MSRA: variants seen among roughly 807,000 people sequenced by gnomAD.
MSRA encodes mitochondrial peptide methionine sulfoxide reductase.
A neutral mutation model predicts 31.3 loss-of-function variants in MSRA; 54 were observed. The ratio of observed to expected loss-of-function variants is 1.73; its 90% CI spans 1.39 to 2.17. The LOEUF is 2.17. Ranked by LOEUF, MSRA falls within the 30% of genes most tolerant of loss-of-function variation. MSRA has a pLI of 0.00. For synonymous variants in MSRA, 169 were observed against 116.5 expected (o/e 1.45, Z -2.90); for missense variants, 507 against 300.9 (o/e 1.69, Z -5.07).
chr8:10,168,152 G>T (rs6994808), intron 1 of MSRA, among the ~76,000 whole-genome samples: 2 of 152,010 alleles, frequency 1.3e-5, no homozygotes, highest in Non-Finnish European at 2.9e-5. Context: ...TAATAAAAGT[G>T]TCTACCTTGT....
chr8:10,311,884 A>G (rs1004523103), intron 4 of MSRA, among the ~76,000 whole-genome samples: 1 of 152,208 alleles, frequency 6.6e-6, no homozygotes, highest in East Asian at 1.9e-4. Context: ...GCCACTGCAC[A>G]CCAGCCTGGG....
chr8:10,076,906 A>T (rs1170234272), intron 1 of MSRA, among the ~76,000 whole-genome samples: 1 of 151,984 alleles, frequency 6.6e-6, no homozygotes, highest in Non-Finnish European at 1.5e-5. Flanking sequence ...GGGTGTGAGG[A>T]GGGAGAACAT....
intron 5 of MSRA, among the ~76,000 whole-genome samples, chr8:10,355,015 A>C (rs2129161348): frequency 6.6e-6 from 1 of 152,302 alleles, no homozygotes; most frequent in South Asian, 2.1e-4. Context: ...TGCATGTGCA[A>C]ACTTTATGGC....
intron 2 of MSRA, among the ~76,000 whole-genome samples, chr8:10,236,984 C>T (rs1432645286): frequency 1.3e-5 from 2 of 152,202 alleles, no homozygotes; most frequent in African/African-American, 2.4e-5. Flanking sequence ...CCTCATTCTA[C>T]CACATGTTAA....
At chr8:10,343,573 C>G (rs1323290868) in intron 5 of MSRA, among the ~76,000 whole-genome samples, 1 of 152,180 alleles carries the variant, frequency 6.6e-6, no homozygotes, top group Admixed American at 6.5e-5. Context: ...TAATTGTCTC[C>G]TACATCAGTT....
chr8:10,234,483 G>C (rs1476149268), intron 2 of MSRA, among the ~76,000 whole-genome samples: 2 of 151,872 alleles, frequency 1.3e-5, no homozygotes, highest in East Asian at 1.9e-4. Flanking sequence ...CTCCAAATTG[G>C]CCAAGGGTCA....
Position 10,079,381 on chromosome 8 carries a change from G to C in MSRA, c.142+24723G>C, listed in dbSNP as rs540469608. 3.3e-5 allele frequency among the ~76,000 whole-genome samples: 5 copies of C among 152,142 alleles called. No homozygotes were observed. The East Asian group carries it at 5.8e-4, about 18-fold the overall frequency. ...TGTTGCCCAGGCTTGTCTCGAACTC[G>C]TGGGCTCAAGCAATCTGCCTTCCTA... On this transcript the variant is annotated intron_variant, in intron 1 of 5. Coordinates refer to ENST00000317173, the MANE Select transcript of MSRA (RefSeq NM_012331.5).
At chr8:10,079,120 C>A (rs1167558430) in intron 1 of MSRA, among the ~76,000 whole-genome samples, 1 of 152,082 alleles carries the variant, frequency 6.6e-6, no homozygotes, top group Non-Finnish European at 1.5e-5. Context: ...GTGTCAAGAA[C>A]CAGGTGAGAG....
chr8:10,164,814 G>C (rs1192576980), intron 1 of MSRA, among the ~76,000 whole-genome samples: 1 of 152,140 alleles, frequency 6.6e-6, no homozygotes, highest in Non-Finnish European at 1.5e-5. Context: ...TGGATCACAA[G>C]GTCAGGAGTT....
At chr8:10,144,925 A>G (rs528871280) in intron 1 of MSRA, among the ~76,000 whole-genome samples, 1 of 149,400 alleles carries the variant, frequency 6.7e-6, no homozygotes, top group South Asian at 2.1e-4. Flanking sequence ...CTTTGCAAAG[A>G]CTCTGCCTTC....
In MSRA at chr8:10,320,183, C is replaced by A. The variant is rs562504079; in HGVS notation, c.543+194C>A. On this transcript the variant is annotated intron_variant, in intron 5 of 5. Coordinates refer to ENST00000317173, the MANE Select transcript of MSRA (RefSeq NM_012331.5). Reference sequence around the variant, plus strand: ...TGCTAAATGAGGTTTTAAGAGTAGGCCTGGGCCAGGGCCAGTGGCTCATGC... The same window carrying A: ...TGCTAAATGAGGTTTTAAGAGTAGGACTGGGCCAGGGCCAGTGGCTCATGC... The A allele has an allele frequency of 9.3e-5, 39 of 421,092 alleles. No individual in the cohort carries two copies. In the South Asian group the frequency reaches 1.2e-3, roughly 13 times the overall value. 26.1% of individuals were successfully genotyped at this position (421,092 alleles called of 1,614,324 possible).
intron 4 of MSRA, among the ~76,000 whole-genome samples, chr8:10,316,182 T>A (rs577309507): frequency 2.0e-5 from 3 of 152,250 alleles, no homozygotes; most frequent in African/African-American, 7.2e-5. Context: ...TGTCTTCCTT[T>A]TAGAAGAGAG....
intron 5 of MSRA, among the ~76,000 whole-genome samples, chr8:10,401,008 A>G (rs964134262): frequency 1.3e-5 from 2 of 152,190 alleles, no homozygotes; most frequent in Non-Finnish European, 2.9e-5. Flanking sequence ...GGTGTCTTGG[A>G]TATGACACCA....
At chr8:10,078,173 T>C (rs1434536974) in intron 1 of MSRA, among the ~76,000 whole-genome samples, 1 of 152,222 alleles carries the variant, frequency 6.6e-6, no homozygotes, top group Admixed American at 6.5e-5. Context: ...AGGTGAGCAC[T>C]ATAAAGATGT....
chr8:10,354,311 C>G (rs1319984391), intron 5 of MSRA, among the ~76,000 whole-genome samples: 2 of 152,136 alleles, frequency 1.3e-5, no homozygotes, highest in East Asian at 3.9e-4. Flanking sequence ...TTGATGGAAT[C>G]CACATTGTTG....
chr8:10,149,508 G>T (rs12677675), intron 1 of MSRA, among the ~76,000 whole-genome samples: 23,149 of 152,118 alleles, frequency 0.15, 2,207 homozygotes, highest in East Asian at 0.47. Context: ...GGAGAAGGTC[G>T]CACCTTATTA....
intron 1 of MSRA, among the ~76,000 whole-genome samples, chr8:10,125,911 A>G (rs1178622532): frequency 6.6e-6 from 1 of 152,196 alleles, no homozygotes; most frequent in Non-Finnish European, 1.5e-5. Context: ...CACTAAGACA[A>G]AACCACTAAC....
chr8:10,078,433 C>T (rs1369943352), intron 1 of MSRA, among the ~76,000 whole-genome samples: 1 of 152,216 alleles, frequency 6.6e-6, no homozygotes, highest in Admixed American at 6.5e-5. Context: ...TTGGCGCAGC[C>T]CCGTTCACAT....
intron 5 of MSRA, among the ~76,000 whole-genome samples, chr8:10,396,411 C>G (rs965369113): frequency 2.0e-5 from 3 of 152,162 alleles, no homozygotes; most frequent in African/African-American, 7.2e-5. Flanking sequence ...AAGTCTATAT[C>G]ATCAAAGGAA....
Sources: gnomAD v4.1 joint callset for allele counts (sites outside exome capture counted in the v4.1 genomes callset) on GRCh38, gnomAD v4.1.1 for gene constraint, MANE v1.5 for transcripts, NCBI Gene and HGNC (gene_info 2026-07-23, HGNC 2026-07-21) for gene names.